SEC22C: variants seen among roughly 807,000 people sequenced by gnomAD.
SEC22C encodes SEC22 homolog C, vesicle trafficking protein.
SEC22C carries 29 observed loss-of-function variants against 34.7 expected under a neutral mutation model. The observed-to-expected ratio is 0.84, with a 90% confidence interval of 0.62 to 1.14. The LOEUF is 1.14. Ranked by LOEUF, SEC22C falls within the 50% of genes most tolerant of loss-of-function variation. The pLI is 0.00. For synonymous variants in SEC22C, 117 were observed against 132.8 expected (o/e 0.88, Z 0.82); for missense variants, 337 against 369.0 (o/e 0.91, Z 0.71).
At position 42,550,671 on chromosome 3, in the gene SEC22C, G is replaced by C; in HGVS notation, c.*2577C>G. 1 of 985,006 alleles carries C rather than the reference G, an allele frequency of 1.0e-6. No homozygotes were observed. Among genetic ancestry groups the C allele is most frequent in the Non-Finnish European group, 1.2e-6 (1 of 829,870 alleles). The allele number at this position is 985,006 out of a possible 1,614,324, so 61.0% of individuals were successfully genotyped here. A position where few individuals can be genotyped will look rare whatever the true frequency, so the allele number is the denominator to read the frequency against. On this transcript the variant is annotated 3_prime_UTR_variant, in exon 7 of 7. Coordinates refer to ENST00000264454, the MANE Select transcript of SEC22C (RefSeq NM_032970.4). ...GATATCCACACATTCGACCTGGTGT[G>C]GATAACATCTCTGGTAGTGCCTCGG... is the stretch of plus-strand genomic sequence containing the variant.
rs1416886028 is a variant in SEC22C at position 42,552,126 on chromosome 3, G to A, written c.*1122C>T. ...ACTGTGATCAATCAATTTTTTGACA[G>A]TGAAAGAGAGTAACTTTCCAGAGTA... is the stretch of plus-strand genomic sequence containing the variant. On this transcript the variant is annotated 3_prime_UTR_variant, in exon 7 of 7. Coordinates refer to ENST00000264454, the MANE Select transcript of SEC22C (RefSeq NM_032970.4). 2 of 985,244 alleles carry A rather than the reference G, an allele frequency of 2.0e-6. No homozygotes were observed. The highest frequency in any genetic ancestry group is 2.3e-4 in the East Asian group (2 of 8,828). 61.0% of individuals were successfully genotyped at this position (985,244 alleles called of 1,614,324 possible).
At chr3:42,594,649 G>A (rs4549) in intron 1 of SEC22C, 243,489 of 626,402 alleles carry the variant, frequency 0.39, 53,323 homozygotes, top group African/African-American at 0.74. Flanking sequence ...TGGCTCTTTC[G>A]AAACGTGAAA....
At chr3:42,590,815 G>C (rs1344657075) in intron 1 of SEC22C, 5 of 1,386,568 alleles carry the variant, frequency 3.6e-6, no homozygotes, top group Non-Finnish European at 5.1e-6. Flanking sequence ...GTAGGCGGGA[G>C]CATCCAATCA....
intron 1 of SEC22C, chr3:42,580,316 C>T (rs1360121812): frequency 6.6e-6 from 1 of 152,222 alleles, no homozygotes; most frequent in African/African-American, 2.4e-5. Context: ...TTAGACAAAA[C>T]AGGCTTCATT....
At chr3:42,591,600 C>T (rs960774589) in intron 1 of SEC22C, 2 of 1,610,076 alleles carry the variant, frequency 1.2e-6, no homozygotes, top group African/African-American at 2.7e-5. Context: ...CGAGTGCGTG[C>T]AGTAAGTACC....
At chr3:42,573,528 C>CA (rs1388013414) in intron 1 of SEC22C, 6 of 151,992 alleles carry the variant, frequency 3.9e-5, no homozygotes, top group South Asian at 2.1e-4. Flanking sequence ...CCGTCAAAAA[C>CA]AAAAAAACAA....
chr3:42,600,952 G>T (rs1289853115), intron 1 of SEC22C: 1 of 1,430,040 alleles, frequency 7.0e-7, no homozygotes. Flanking sequence ...CCTCGCCCCT[G>T]CCCTGACCGC....
Position 42,568,852 on chromosome 3 carries a change from T to C in SEC22C, c.182+13A>G, listed in dbSNP as rs150178800. The C allele has an allele frequency of 1.2e-6, 2 of 1,610,106 alleles. No individual in the cohort carries two copies. Among genetic ancestry groups the C allele is most frequent in the East Asian group, 2.2e-5 (1 of 44,844 alleles). On this transcript the variant is annotated intron_variant, in intron 2 of 6. Coordinates refer to ENST00000264454, the MANE Select transcript of SEC22C (RefSeq NM_032970.4). ...TTTGCTAATATTCTGAAAAAGTGAA[T>C]ATGATCACTTACTGTATACTAAAGT...
At chr3:42,584,056 A>C (rs1218449743), upstream of SEC22C, among the ~76,000 whole-genome samples, 1 of 152,166 alleles carries the variant, frequency 6.6e-6, no homozygotes, top group Non-Finnish European at 1.5e-5. Context: ...TAGATGGTCT[A>C]TTGTGGGACT....
intron 1 of SEC22C, among the ~76,000 whole-genome samples, chr3:42,579,836 A>G (rs1353857311): frequency 2.0e-5 from 3 of 152,146 alleles, no homozygotes; most frequent in Non-Finnish European, 4.4e-5. Context: ...GGGCTGCCTT[A>G]TTTTTGCTCA....
At chr3:42,573,053 T>C (rs896921863) in intron 1 of SEC22C, among the ~76,000 whole-genome samples, 2 of 152,078 alleles carry the variant, frequency 1.3e-5, no homozygotes, top group Non-Finnish European at 2.9e-5. Flanking sequence ...GGTCTCGCTA[T>C]GTTGCTCAGG....
At chr3:42,579,644 G>T (rs1704193022) in intron 1 of SEC22C, 1 of 151,492 alleles carries the variant, frequency 6.6e-6, no homozygotes, top group African/African-American at 2.4e-5. Flanking sequence ...GAAAAGAAAA[G>T]AAAATCAATT....
Position 42,563,614 on chromosome 3 carries a change from G to A in SEC22C, c.255C>T (p.Cys85=). ...SCQCPAAMAF[C]FLETLWWEFT... is the part of the protein sequence containing the mutation. ...ATTCCCACCACAGGGTCTCCAGGAA[G>A]CAGAAGGCCATGGCTGCTGGACACT... The change falls in exon 3 of 7, where the codon TGC becomes TGT. Residue 85 remains cysteine (C), a synonymous_variant. Coordinates refer to ENST00000264454, the MANE Select transcript of SEC22C (RefSeq NM_032970.4). 6.2e-7 allele frequency: 1 copy of A among 1,614,194 alleles called. No homozygotes were observed. The highest frequency in any genetic ancestry group is 8.5e-7 in the Non-Finnish European group (1 of 1,180,014).
At position 42,577,064 on chromosome 3, in the gene SEC22C, A is replaced by T. The variant is rs1577348056; in HGVS notation, c.-28+4782T>A. 2.0e-5 allele frequency among the ~76,000 whole-genome samples: 3 copies of T among 152,178 alleles called. No homozygotes were observed. The South Asian group carries it at 6.2e-4, about 31-fold the overall frequency. ...TCTATAAATAGTGCCGGGAGTAAAA[A>T]GAAAGAATCTTGACCTAAACCTCAC... On this transcript the variant is annotated intron_variant, in intron 1 of 6. Coordinates refer to ENST00000264454, the MANE Select transcript of SEC22C (RefSeq NM_032970.4).
chr3:42,588,756 G>C (rs1482961544), intron 1 of SEC22C, among the ~76,000 whole-genome samples: 1 of 152,140 alleles, frequency 6.6e-6, no homozygotes, highest in Admixed American at 6.5e-5. Flanking sequence ...TGTCTAAACA[G>C]GAATAGGGCT....
upstream of SEC22C, among the ~76,000 whole-genome samples, chr3:42,585,472 CCTT>C (rs1260310767): frequency 2.6e-5 from 4 of 152,218 alleles, no homozygotes; most frequent in East Asian, 1.9e-4. Flanking sequence ...TTTCATCTGT[CCTT>C]CTGCTATTCT....
In SEC22C at chr3:42,552,834, T is replaced by C; in HGVS notation, c.*414A>G. On this transcript the variant is annotated 3_prime_UTR_variant, in exon 7 of 7. Coordinates refer to ENST00000264454, the MANE Select transcript of SEC22C (RefSeq NM_032970.4). ...AAAAAAAAACTAATCAAGTTATGTT[T>C]AGACTGAAAGCTGATTTGGATTTTA... The C allele has an allele frequency of 9.8e-7, 1 of 1,023,226 alleles. No homozygotes were observed. The highest frequency in any genetic ancestry group is 4.0e-5 in the South Asian group (1 of 25,248). 63.4% of individuals were successfully genotyped at this position (1,023,226 alleles called of 1,614,324 possible).
intron 1 of SEC22C, chr3:42,590,739 A>T: frequency 1.3e-6 from 1 of 788,336 alleles, no homozygotes; most frequent in Non-Finnish European, 2.2e-6. Flanking sequence ...GCTGGGACCG[A>T]GGAAAGCGCT....
At chr3:42,556,884 C>T (rs1702562969) in intron 5 of SEC22C, among the ~76,000 whole-genome samples, 1 of 152,016 alleles carries the variant, frequency 6.6e-6, no homozygotes, top group South Asian at 2.1e-4. Context: ...CCACCACGCC[C>T]AGCTAATTTT....
Sources: allele counts gnomAD v4.1 joint callset (sites outside exome capture counted in the v4.1 genomes callset), GRCh38; gene constraint gnomAD v4.1.1; transcripts MANE v1.5; gene names NCBI Gene and HGNC (gene_info 2026-07-23, HGNC 2026-07-21).